Variants in MAGI2 observed in about 807,000 individuals in gnomAD.
MAGI2 encodes the protein membrane associated guanylate kinase, WW and PDZ domain containing 2.
A neutral mutation model predicts 133.3 loss-of-function variants in MAGI2; 35 were observed. The ratio of observed to expected loss-of-function variants is 0.26; its 90% CI spans 0.20 to 0.35. The LOEUF is 0.35. Ranked by LOEUF, MAGI2 falls within the 10% of genes least tolerant of loss-of-function variation. The probability of loss-of-function intolerance (pLI) is 1.00; values close to 1 mark genes in which losing one functional copy is unlikely to be tolerated. For synonymous variants in MAGI2, 729 were observed against 710.6 expected, an observed-to-expected ratio of 1.03 and a Z score of -0.41; for missense variants, 1,636 against 1,863.4, an observed-to-expected ratio of 0.88 and a Z score of 2.25.
At chr7:79,355,216 C>T (rs1841942706) in intron 1 of MAGI2, among the ~76,000 whole-genome samples, 1 of 152,188 alleles carries the variant, frequency 6.6e-6, no homozygotes, top group Non-Finnish European at 1.5e-5. Flanking sequence ...TCCTCTGGTT[C>T]CCCAGGCAGC....
At chr7:78,994,953 T>C (rs751180692) in intron 2 of MAGI2, among the ~76,000 whole-genome samples, 19 of 152,144 alleles carry the variant, frequency 1.2e-4, no homozygotes, top group Non-Finnish European at 8.8e-5. Flanking sequence ...TTTTATATCG[T>C]TAGAATTTTA....
chr7:78,896,089 G>A (rs1797192449), intron 2 of MAGI2, among the ~76,000 whole-genome samples: 1 of 152,084 alleles, frequency 6.6e-6, no homozygotes, highest in African/African-American at 2.4e-5. Flanking sequence ...ATGGAGTTTA[G>A]AATAAAATTT....
At chr7:78,398,131 G>C (rs913664409) in intron 6 of MAGI2, among the ~76,000 whole-genome samples, 1 of 152,144 alleles carries the variant, frequency 6.6e-6, no homozygotes, top group African/African-American at 2.4e-5. Context: ...GCTGTAATCA[G>C]CTAGAAGATT....
At chr7:78,314,308 A>T (rs1397323981) in intron 9 of MAGI2, among the ~76,000 whole-genome samples, 1 of 152,150 alleles carries the variant, frequency 6.6e-6, no homozygotes, top group Non-Finnish European at 1.5e-5. Flanking sequence ...TTGCTTTTTC[A>T]TGACTTCCAG....
chr7:79,325,660 G>A (rs566392904), intron 1 of MAGI2, among the ~76,000 whole-genome samples: 69 of 152,170 alleles, frequency 4.5e-4, no homozygotes, highest in Non-Finnish European at 8.5e-4. Context: ...AACATTGTGA[G>A]AAAAAACATG....
chr7:79,348,711 A>G (rs1196485604), intron 1 of MAGI2, among the ~76,000 whole-genome samples: 1 of 151,898 alleles, frequency 6.6e-6, no homozygotes, highest in Non-Finnish European at 1.5e-5. Context: ...GGTAAAGTGA[A>G]GCATTCATCA....
intron 9 of MAGI2, among the ~76,000 whole-genome samples, chr7:78,312,808 ATAT>A (rs1239618748): frequency 2.0e-5 from 3 of 151,988 alleles, no homozygotes; most frequent in Non-Finnish European, 4.4e-5. Context: ...CCAAAGGGAA[ATAT>A]TATATCAAAA....
intron 1 of MAGI2, among the ~76,000 whole-genome samples, chr7:79,089,805 G>A (rs927262232): frequency 4.6e-5 from 7 of 151,966 alleles, no homozygotes; most frequent in Non-Finnish European, 8.8e-5. Context: ...AGAACACATG[G>A]TCACAGGGAA....
At chr7:78,063,386 CAT>C (rs1221979153) in intron 21 of MAGI2, among the ~76,000 whole-genome samples, 4 of 152,182 alleles carry the variant, frequency 2.6e-5, no homozygotes, top group Admixed American at 2.0e-4. Context: ...GAACTACAGT[CAT>C]GTGCTTGCAC....
intron 1 of MAGI2, among the ~76,000 whole-genome samples, chr7:79,146,603 A>C (rs577372347): frequency 1.4e-4 from 21 of 152,334 alleles, no homozygotes; most frequent in African/African-American, 3.4e-4. Context: ...GTGGTAATGA[A>C]TAAGTGTCAC....
At chr7:78,375,530 C>T (rs1340602380) in intron 6 of MAGI2, among the ~76,000 whole-genome samples, 1 of 151,910 alleles carries the variant, frequency 6.6e-6, no homozygotes, top group African/African-American at 2.4e-5. Flanking sequence ...AACCAAAAAC[C>T]AGAAACCATA....
chr7:79,388,495 T>C (rs1585800210), intron 1 of MAGI2, among the ~76,000 whole-genome samples: 1 of 151,954 alleles, frequency 6.6e-6, no homozygotes, highest in Non-Finnish European at 1.5e-5. Flanking sequence ...AGAGAGTCAG[T>C]TGAGGCTTAC....
At chr7:79,314,905 A>G (rs904521369) in intron 1 of MAGI2, among the ~76,000 whole-genome samples, 2 of 152,164 alleles carry the variant, frequency 1.3e-5, no homozygotes, top group Admixed American at 1.3e-4. Context: ...AAACTCAGAT[A>G]AGGAAATGAA....
At chr7:78,553,809 T>C (rs1019844802) in intron 3 of MAGI2, among the ~76,000 whole-genome samples, 6 of 152,338 alleles carry the variant, frequency 3.9e-5, no homozygotes, top group African/African-American at 1.4e-4. Flanking sequence ...TCTGGAGTTT[T>C]AATTGTGTCT....
At chr7:78,366,843 CTA>C (rs1298506344) in intron 7 of MAGI2, among the ~76,000 whole-genome samples, 36 of 152,152 alleles carry the variant, frequency 2.4e-4, no homozygotes, top group Admixed American at 2.4e-3. Context: ...CTGGTCAACT[CTA>C]TAAAATCATG....
chr7:78,421,679 C>G (rs1159525701), intron 6 of MAGI2, among the ~76,000 whole-genome samples: 1 of 152,036 alleles, frequency 6.6e-6, no homozygotes, highest in East Asian at 1.9e-4. Flanking sequence ...TGGTGAACAC[C>G]TGTAGTCCCA....
intron 2 of MAGI2, among the ~76,000 whole-genome samples, chr7:78,993,663 T>C (rs1806003594): frequency 6.6e-6 from 1 of 151,920 alleles, no homozygotes; most frequent in Middle Eastern, 3.2e-3. Context: ...TTCCTGGGGA[T>C]CTAGTCTGCA....
intron 9 of MAGI2, among the ~76,000 whole-genome samples, chr7:78,321,701 T>C (rs955088848): frequency 2.6e-5 from 4 of 152,164 alleles, no homozygotes; most frequent in African/African-American, 4.8e-5. Context: ...ATTCAGGACA[T>C]AGGCATGGGC....
At chr7:78,637,579 C>T (rs1054322633) in intron 2 of MAGI2, among the ~76,000 whole-genome samples, 2 of 152,176 alleles carry the variant, frequency 1.3e-5, no homozygotes, top group Non-Finnish European at 2.9e-5. Flanking sequence ...ACCAAGCTAT[C>T]TGATTTGCTA....
Sources: allele counts gnomAD v4.1 joint callset (sites outside exome capture counted in the v4.1 genomes callset), GRCh38; gene constraint gnomAD v4.1.1; transcripts MANE v1.5; gene names NCBI Gene and HGNC (gene_info 2026-07-23, HGNC 2026-07-21).